Variants in BBS7 observed in about 807,000 individuals in gnomAD.
BBS7 encodes Bardet-Biedl syndrome 7, also known as BBSome complex member BBS7.
Under a neutral mutation model 90.3 loss-of-function variants are expected in BBS7, and 50 were observed. That is an observed-to-expected ratio of 0.55 (90% CI 0.44 to 0.70). BBS7 has a LOEUF of 0.70. BBS7 is among the 30% of genes least tolerant of loss of function. BBS7 has a pLI of 0.00. For missense variants in BBS7, 729 were observed against 838.9 expected, an observed-to-expected ratio of 0.87 and a Z score of 1.62; for synonymous variants, 235 against 287.4, an observed-to-expected ratio of 0.82 and a Z score of 1.85.
At chr4:121,863,338 AT>A in intron 2 of BBS7, 59 bp from the exon 3 acceptor site, 2 of 1,376,508 alleles carry the variant, frequency 1.5e-6, no homozygotes, top group East Asian at 4.6e-5. Context: ...CCTAATAATT[AT>A]ATACAGGGAA....
At chr4:121,826,653 T>C (rs1299164043) in intron 18 of BBS7, among the ~76,000 whole-genome samples, 2 of 152,150 alleles carry the variant, frequency 1.3e-5, no homozygotes, top group Non-Finnish European at 2.9e-5. Flanking sequence ...TGGCACAAAA[T>C]ATACGGATGA....
rs761471670 is a variant in BBS7 at position 121,868,094 on chromosome 4, C to T, written c.37-48G>A. ...TAGTGAATTTAATTTGAAGTTATTA[C>T]AGAGATTAAAATAAGTTATAGTGAA... On this transcript the variant is annotated intron_variant, in intron 1 of 18. Transcript: ENST00000264499. 3 of 1,462,710 alleles carry T rather than the reference C, an allele frequency of 2.1e-6. No individual in the cohort carries two copies. The East Asian group carries it at 6.8e-5, about 33-fold the overall frequency. 90.6% of individuals were successfully genotyped at this position (1,462,710 alleles called of 1,614,324 possible).
intron 13 of BBS7, among the ~76,000 whole-genome samples, chr4:121,837,704 G>T (rs961036361): frequency 3.3e-5 from 5 of 152,166 alleles, no homozygotes; most frequent in African/African-American, 9.6e-5. Flanking sequence ...TTTATCATAT[G>T]GCAAAGCAAG....
intron 11 of BBS7, among the ~76,000 whole-genome samples, 158 bp downstream of exon 11, chr4:121,845,346 T>C (rs1246806713): frequency 6.6e-6 from 1 of 151,862 alleles, no homozygotes; most frequent in African/African-American, 2.4e-5. Context: ...CCAGTCTAGG[T>C]GACAGAGTAA....
At chr4:121,835,102 G>A in intron 14 of BBS7, 42 bp downstream of exon 14, 2 of 1,603,854 alleles carry the variant, frequency 1.2e-6, no homozygotes, top group Non-Finnish European at 1.7e-6. Flanking sequence ...TATTTGAATT[G>A]TGTAATATCC....
At chr4:121,838,999 G>A (rs1463589788) in intron 13 of BBS7, among the ~76,000 whole-genome samples, 1 of 151,670 alleles carries the variant, frequency 6.6e-6, no homozygotes, top group Non-Finnish European at 1.5e-5. Flanking sequence ...AAAAATTATT[G>A]TTGATTTTTC....
rs1725626300 is a variant in BBS7, at chr4:121,839,646, T to C, written c.1356A>G (p.Thr452=). The C allele has an allele frequency of 1.9e-6, 3 of 1,613,490 alleles. No individual in the cohort carries two copies. The highest frequency in any genetic ancestry group is 2.5e-6 in the Non-Finnish European group (3 of 1,179,584). The change falls in exon 13 of 19, where the codon ACA becomes ACG. Residue 452 remains threonine (T), a synonymous_variant. Coordinates refer to ENST00000264499, the MANE Select transcript of BBS7 (RefSeq NM_176824.3). ...LATYRCQADT[T]RLELKIRSIE... is the part of the protein sequence containing the mutation. ...ATATTTTTACCTTGAGTTCCAGCCT[T>C]GTAGTATCTGCCTGGCACCGATAAG...
At position 121,825,608 on chromosome 4, in the gene BBS7, C is replaced by T. The variant is rs1724869714; in HGVS notation, c.*252G>A. 2.8e-5 allele frequency: 10 copies of T among 355,648 alleles called. 1 individual carries two copies. In the South Asian group the frequency reaches 5.1e-4, roughly 18 times the overall value. The allele number at this position is 355,648 out of a possible 1,614,324, so 22.0% of individuals were successfully genotyped here. A position where few individuals can be genotyped will look rare whatever the true frequency, so the allele number is the denominator to read the frequency against. On this transcript the variant is annotated 3_prime_UTR_variant, in exon 19 of 19. Coordinates refer to ENST00000264499, the MANE Select transcript of BBS7 (RefSeq NM_176824.3). ...ATTTAAAAATTAAAACAGCCACTTG[C>T]CAAAAATTCATTAAAATCCTATTTA...
intron 14 of BBS7, among the ~76,000 whole-genome samples, chr4:121,833,694 T>A (rs1035125282): frequency 2.0e-5 from 3 of 152,140 alleles, no homozygotes; most frequent in Non-Finnish European, 1.5e-5. Context: ...ATTTCATTTT[T>A]AAAAAGTTTA....
intron 13 of BBS7, among the ~76,000 whole-genome samples, chr4:121,837,068 T>C (rs1396132050): frequency 6.6e-6 from 1 of 152,126 alleles, no homozygotes; most frequent in Non-Finnish European, 1.5e-5. Flanking sequence ...CAAGCGATTA[T>C]CATGCCTCGG....
chr4:121,841,367 G>T (rs1212778467), intron 12 of BBS7, among the ~76,000 whole-genome samples: 1 of 151,676 alleles, frequency 6.6e-6, no homozygotes, highest in Non-Finnish European at 1.5e-5. Flanking sequence ...GACCAGCCTG[G>T]GCAACAAAGT....
chr4:121,827,927 T>C (rs1271471562), intron 18 of BBS7: 1 of 1,334,156 alleles, frequency 7.5e-7, no homozygotes, highest in Middle Eastern at 2.6e-4. Flanking sequence ...CTTAATATAC[T>C]TGCATTTTAT....
rs1726162496 is a variant in BBS7 at position 121,848,945 on chromosome 4, C to T, written c.850-17G>A. On this transcript the variant is annotated splice_polypyrimidine_tract_variant and intron_variant, in intron 8 of 18. Transcript: ENST00000264499. ...AGACAACATCTAAAAAAGTTTAAGA[C>T]CAAGCACTTCATTAGTAACTAAAAA... 1 of 1,599,678 alleles carries T rather than the reference C, an allele frequency of 6.3e-7. No individual in the cohort carries two copies. The highest frequency in any genetic ancestry group is 8.6e-7 in the Non-Finnish European group (1 of 1,167,504).
At chr4:121,828,829 C>T in intron 15 of BBS7, 101 bp from the exon 16 acceptor site, 1 of 735,800 alleles carries the variant, frequency 1.4e-6, no homozygotes, top group Non-Finnish European at 2.2e-6. Context: ...TTTCATTTGA[C>T]TGTAGATTTC....
chr4:121,845,412 A>G, intron 11 of BBS7, 92 bp downstream of exon 11: 1 of 780,746 alleles, frequency 1.3e-6, no homozygotes, highest in East Asian at 3.0e-5. Context: ...ATTACTGTCT[A>G]AAACTAAAAA....
At position 121,828,329 on chromosome 4, in the gene BBS7, A is replaced by G. The variant is rs529167020; in HGVS notation, c.1891-60T>C. ...TCAAAATTCAATCCAATGTAATGTTAAAGTATTGATAATTTTAGAAATCCT... is the reference window on the plus strand; with the variant it reads ...TCAAAATTCAATCCAATGTAATGTTGAAGTATTGATAATTTTAGAAATCCT... On this transcript the variant is annotated intron_variant, in intron 17 of 18. Coordinates refer to ENST00000264499, the MANE Select transcript of BBS7 (RefSeq NM_176824.3). 168 of 1,591,088 alleles carry G rather than the reference A, an allele frequency of 1.1e-4. 2 individuals are homozygous for G. The South Asian group carries it at 1.8e-3, about 17-fold the overall frequency.
chr4:121,861,653 C>T lies in BBS7; in HGVS notation c.192G>A (p.Pro64=), dbSNP rs775906320. The T allele has an allele frequency of 4.1e-5, 66 of 1,613,414 alleles. No individual in the cohort carries two copies. Among genetic ancestry groups the T allele is most frequent in the Admixed American group, 1.7e-4 (10 of 59,964 alleles). ...CTCCCAGTTCCAGCCTTGCAATCTT[C>T]GGCCCGGGTAAAGTCTTGAACACTG... ...AAAVFKTLPG[P]KIARLELGGV... is the part of the protein sequence containing the mutation. The change falls in exon 4 of 19, where the codon CCG becomes CCA. Residue 64 remains proline (P), a synonymous_variant. Coordinates refer to ENST00000264499, the MANE Select transcript of BBS7 (RefSeq NM_176824.3).
intron 5 of BBS7, among the ~76,000 whole-genome samples, chr4:121,857,555 G>A (rs908232643): frequency 2.7e-4 from 41 of 152,190 alleles, no homozygotes; most frequent in South Asian, 6.2e-4. Flanking sequence ...AGAGATAGAC[G>A]GGGAGTGAGA....
intron 15 of BBS7, among the ~76,000 whole-genome samples, chr4:121,831,892 T>G (rs1725199671): frequency 6.6e-6 from 1 of 152,032 alleles, no homozygotes; most frequent in South Asian, 2.1e-4. Context: ...TGCTAAGTTT[T>G]TAGAACTTAG....
Sources: gnomAD v4.1 joint callset for allele counts (sites outside exome capture counted in the v4.1 genomes callset) on GRCh38, gnomAD v4.1.1 for gene constraint, MANE v1.5 for transcripts, NCBI Gene and HGNC (gene_info 2026-07-23, HGNC 2026-07-21) for gene names.